Variants in USP6NL observed in about 807,000 individuals in gnomAD.
USP6NL encodes the protein USP6 N-terminal-like protein.
A neutral mutation model predicts 61.9 loss-of-function variants in USP6NL; 26 were observed. The ratio of observed to expected loss-of-function variants is 0.42; its 90% CI spans 0.31 to 0.58. The LOEUF (loss-of-function observed/expected upper bound fraction) is 0.58, where lower values mean the gene tolerates loss of function less well. Ranked by LOEUF, USP6NL falls within the 20% of genes least tolerant of loss-of-function variation. The pLI, the probability that USP6NL is intolerant of heterozygous loss-of-function variation, is 0.16. For synonymous variants in USP6NL, 432 were observed against 390.1 expected (o/e 1.11, Z -1.27); for missense variants, 1,114 against 1,034.3 (o/e 1.08, Z -1.06).
chr10:11,593,317 T>C (rs1180905796), intron 2 of USP6NL, among the ~76,000 whole-genome samples: 2 of 152,252 alleles, frequency 1.3e-5, no homozygotes, highest in Admixed American at 6.5e-5. Flanking sequence ...AATACTGTAA[T>C]TACTTTTGTG....
rs201236747 is a variant in USP6NL at position 11,521,416 on chromosome 10, T to C, written c.156-2842A>G. 4.0e-4 allele frequency among the ~76,000 whole-genome samples: 61 copies of C among 150,794 alleles called. 1 individual carries two copies. In the East Asian group the frequency reaches 5.8e-3, roughly 14 times the overall value. ...TTTTTTTTTAGACAGAGTCTTGCTCTGTCACCCAGGCTGGAGTGCAACGGT... is the reference window on the plus strand; with the variant it reads ...TTTTTTTTTAGACAGAGTCTTGCTCCGTCACCCAGGCTGGAGTGCAACGGT... On this transcript the variant is annotated intron_variant, in intron 4 of 14. Transcript: ENST00000609104.
chr10:11,473,103 C>T (rs1832823269), intron 14 of USP6NL, among the ~76,000 whole-genome samples: 1 of 152,162 alleles, frequency 6.6e-6, no homozygotes, highest in Non-Finnish European at 1.5e-5. Flanking sequence ...AAAATGGCTT[C>T]GTTTCTATGT....
rs1465031252 is a variant in USP6NL at position 11,513,631 on chromosome 10, G to A, written c.196-3956C>T. On this transcript the variant is annotated intron_variant, in intron 5 of 14. Coordinates refer to ENST00000609104, the MANE Select transcript of USP6NL (RefSeq NM_014688.5). This position sits in a 1 kb window ranked among gnomAD's most constrained non-coding sequence, Gnocchi z 4.7. ...GGGGAACTGATCATTAGACAATCAC[G>A]ACATGAATAGTTCATCCCTAAATAT... Among the ~76,000 whole-genome samples the A allele has an allele frequency of 1.3e-5, 2 of 152,078 alleles. No individual in the cohort carries two copies. The highest frequency in any genetic ancestry group is 2.9e-5 in the Non-Finnish European group (2 of 68,018).
chr10:11,583,348 C>T (rs543103863), intron 2 of USP6NL, among the ~76,000 whole-genome samples: 113 of 146,088 alleles, frequency 7.7e-4, no homozygotes, highest in African/African-American at 2.7e-3. Context: ...CCACTGTGGC[C>T]GGCTAAATTT....
intron 2 of USP6NL, among the ~76,000 whole-genome samples, chr10:11,576,053 C>T (rs953196901): frequency 1.3e-4 from 20 of 149,334 alleles, no homozygotes; most frequent in South Asian, 6.3e-4. Context: ...AAAATAGTTA[C>T]GGGTAAATAC....
intron 1 of USP6NL, among the ~76,000 whole-genome samples, chr10:11,599,076 TACATGATGAAA>T (rs2133671160): frequency 6.6e-6 from 1 of 152,370 alleles, no homozygotes; most frequent in African/African-American, 2.4e-5. Context: ...AGTTTTAGAA[TACATGATGAAA>T]GTTTCTCACA....
Position 11,541,434 on chromosome 10 carries a change from C to T in USP6NL, c.5-13867G>A, listed in dbSNP as rs191112783. 2.7e-3 allele frequency among the ~76,000 whole-genome samples: 406 copies of T among 151,438 alleles called. 2 individuals carry two copies. Among genetic ancestry groups the T allele is most frequent in the African/African-American group, 9.5e-3 (394 of 41,296 alleles). Reference sequence around the variant, plus strand: ...AACTACGAGGTAGGTATCATTATTGCCCATTAAACAAATGAGAAAATTGGT... The same window carrying T: ...AACTACGAGGTAGGTATCATTATTGTCCATTAAACAAATGAGAAAATTGGT... On this transcript the variant is annotated intron_variant, in intron 2 of 14. Coordinates refer to ENST00000609104, the MANE Select transcript of USP6NL (RefSeq NM_014688.5).
intron 3 of USP6NL, among the ~76,000 whole-genome samples, chr10:11,526,351 A>G (rs1356490376): frequency 6.6e-6 from 1 of 152,098 alleles, no homozygotes; most frequent in Non-Finnish European, 1.5e-5. Context: ...CACTGGGAGC[A>G]TCCTGTAGGC....
Position 11,537,981 on chromosome 10 carries a change from CAT to C in USP6NL, c.5-10416_5-10415del, listed in dbSNP as rs1171123784. On this transcript the variant is annotated intron_variant, in intron 2 of 14. Coordinates refer to ENST00000609104, the MANE Select transcript of USP6NL (RefSeq NM_014688.5). This position sits in a 1 kb window ranked among gnomAD's most constrained non-coding sequence, Gnocchi z 5.1. ...GTTGCTTGTTTTGTTTTTGTAAGCACATGTTTTTAAGATCATTGGGAAGAGGA... is the reference window on the plus strand; with the variant it reads ...GTTGCTTGTTTTGTTTTTGTAAGCACGTTTTTAAGATCATTGGGAAGAGGA... Among the ~76,000 whole-genome samples, 3 of 152,168 alleles carry C rather than the reference CAT, an allele frequency of 2.0e-5. No homozygotes were observed. The highest frequency in any genetic ancestry group is 7.2e-5 in the African/African-American group (3 of 41,430).
intron 2 of USP6NL, among the ~76,000 whole-genome samples, chr10:11,593,209 G>T (rs991402028): frequency 6.6e-6 from 1 of 152,126 alleles, no homozygotes; most frequent in Non-Finnish European, 1.5e-5. Flanking sequence ...ATAAAATACA[G>T]AACATTAAAA....
chr10:11,581,950 C>CGGT lies in USP6NL; in HGVS notation c.4+15678_4+15680dup, dbSNP rs375568598. 6.1e-4 allele frequency among the ~76,000 whole-genome samples: 92 copies of CGGT among 151,280 alleles called. 1 individual carries two copies. Among genetic ancestry groups the CGGT allele is most frequent in the African/African-American group, 1.9e-3 (79 of 41,244 alleles). On this transcript the variant is annotated intron_variant, in intron 2 of 14. Transcript: ENST00000609104. ...ACCACGCCGGGCTAATTTTTGGTGG[C>CGGT]GGTGGTGGTGGTGGTGGTTGTTGTT... is the stretch of plus-strand genomic sequence containing the variant.
chr10:11,539,503 T>C (rs1226836581), intron 2 of USP6NL, among the ~76,000 whole-genome samples: 2 of 152,370 alleles, frequency 1.3e-5, no homozygotes, highest in East Asian at 3.9e-4. Context: ...TATGAAGTGA[T>C]GTAACAATAT....
At chr10:11,531,761 A>G (rs1050399500) in intron 2 of USP6NL, among the ~76,000 whole-genome samples, 1 of 152,198 alleles carries the variant, frequency 6.6e-6, no homozygotes, top group Non-Finnish European at 1.5e-5. Flanking sequence ...TTCAAAGTAA[A>G]AGAGGCATAT....
intron 14 of USP6NL, among the ~76,000 whole-genome samples, chr10:11,479,869 C>A (rs1176539552): frequency 1.3e-5 from 2 of 152,068 alleles, no homozygotes; most frequent in Non-Finnish European, 2.9e-5. Context: ...GCCACTGTGC[C>A]CAGCCTCATG....
intron 6 of USP6NL, among the ~76,000 whole-genome samples, chr10:11,503,195 G>C (rs1834285386): frequency 6.6e-6 from 1 of 152,132 alleles, no homozygotes; most frequent in South Asian, 2.1e-4. Context: ...AATGCTAAAA[G>C]TAAAATTTTA....
intron 2 of USP6NL, among the ~76,000 whole-genome samples, chr10:11,569,571 A>G (rs980897232): frequency 1.1e-4 from 17 of 152,232 alleles, no homozygotes; most frequent in Non-Finnish European, 4.4e-5. Context: ...CAAGTCAGAG[A>G]ACATGCTTTT....
chr10:11,491,757 C>T lies in USP6NL; in HGVS notation c.495-877G>A, dbSNP rs2133266188. Reference sequence around the variant, plus strand: ...GTCAATGGAAAACTACCAATTCAGGCAGAACTGCTAGGTTCAGATTTTCAG... The same window carrying T: ...GTCAATGGAAAACTACCAATTCAGGTAGAACTGCTAGGTTCAGATTTTCAG... On this transcript the variant is annotated intron_variant, in intron 8 of 14. Transcript: ENST00000609104. The surrounding 1 kb of genome is among the most constrained non-coding windows in gnomAD (Gnocchi z 4.7). 6.6e-6 allele frequency among the ~76,000 whole-genome samples: 1 copy of T among 152,270 alleles called. No individual in the cohort carries two copies. The highest frequency in any genetic ancestry group is 2.1e-4 in the South Asian group (1 of 4,826).
At chr10:11,533,423 C>T (rs1214071743) in intron 2 of USP6NL, among the ~76,000 whole-genome samples, 1 of 152,210 alleles carries the variant, frequency 6.6e-6, no homozygotes, top group Non-Finnish European at 1.5e-5. Context: ...CTCATAATTG[C>T]AAAAGTGATT....
chr10:11,556,190 G>T (rs1369943475), intron 2 of USP6NL, among the ~76,000 whole-genome samples: 1 of 152,066 alleles, frequency 6.6e-6, no homozygotes. Flanking sequence ...CTACCTTGAG[G>T]TTCTTATATT....
Sources: allele counts gnomAD v4.1 joint callset (sites outside exome capture counted in the v4.1 genomes callset), GRCh38; gene constraint gnomAD v4.1.1; non-coding constraint Gnocchi (gnomAD v3.1); transcripts MANE v1.5; gene names NCBI Gene and HGNC (gene_info 2026-07-23, HGNC 2026-07-21).